The following OR6N1 variants were observed in gnomAD, a reference collection of about 807,000 sequenced individuals.
OR6N1 encodes olfactory receptor 6N1.
For missense variants in OR6N1, 394 were observed against 371.7 expected (o/e 1.06, Z -0.49); for synonymous variants, 170 against 150.7 (o/e 1.13, Z -0.94).
chr1:158,824,276 A>G, the OR6N1 span, among the ~76,000 whole-genome samples: 1 of 152,116 alleles, frequency 6.6e-6, no homozygotes, highest in South Asian at 2.1e-4. Context: ...TTTGCCTGCT[A>G]CCATCCATGT....
At chr1:158,785,024 CT>C in the OR6N1 span, among the ~76,000 whole-genome samples, 2 of 152,160 alleles carry the variant, frequency 1.3e-5, no homozygotes, top group Non-Finnish European at 2.9e-5. Flanking sequence ...AAACTGTAAG[CT>C]TTTTGAGGGC....
At chr1:158,825,236 G>A in the OR6N1 span, among the ~76,000 whole-genome samples, 8 of 152,034 alleles carry the variant, frequency 5.3e-5, no homozygotes, top group South Asian at 2.1e-4. Flanking sequence ...CCAGGAGATC[G>A]AGACCATCCT....
chr1:158,769,587 C>T (rs79552642), intron 1 of OR6N1, among the ~76,000 whole-genome samples: 3,606 of 152,198 alleles, frequency 0.024, 151 homozygotes, highest in African/African-American at 0.081. Flanking sequence ...TGAAAGACAC[C>T]GAGTCTTCTC....
At chr1:158,797,778 T>C in the OR6N1 span, among the ~76,000 whole-genome samples, 8 of 152,330 alleles carry the variant, frequency 5.3e-5, no homozygotes, top group African/African-American at 1.9e-4. Flanking sequence ...TTGGAATCAC[T>C]GTTAGGCTAT....
chr1:158,808,724 G>A, the OR6N1 span: 4 of 152,692 alleles, frequency 2.6e-5, no homozygotes, highest in African/African-American at 9.7e-5. Flanking sequence ...GCAACCAGTG[G>A]CCACACCAAT....
At chr1:158,823,789 T>C in the OR6N1 span, among the ~76,000 whole-genome samples, 1 of 152,152 alleles carries the variant, frequency 6.6e-6, no homozygotes, top group Non-Finnish European at 1.5e-5. Context: ...TCTAGTTCCT[T>C]TAGTTTTGAT....
the OR6N1 span, among the ~76,000 whole-genome samples, chr1:158,797,878 G>T: frequency 6.6e-6 from 1 of 152,050 alleles, no homozygotes; most frequent in Non-Finnish European, 1.5e-5. Flanking sequence ...GTCAATATTA[G>T]ATAGAACTCA....
the OR6N1 span, among the ~76,000 whole-genome samples, chr1:158,784,764 A>C: frequency 6.6e-6 from 1 of 152,116 alleles, no homozygotes; most frequent in Non-Finnish European, 1.5e-5. Context: ...ATTCTTTTTT[A>C]TGGCTGAATG....
chr1:158,823,277 A>G, the OR6N1 span, among the ~76,000 whole-genome samples: 1 of 152,292 alleles, frequency 6.6e-6, no homozygotes, highest in Non-Finnish European at 1.5e-5. Context: ...TAATTTCAAT[A>G]GAAATGGTAC....
the OR6N1 span, among the ~76,000 whole-genome samples, chr1:158,800,206 G>A: frequency 6.6e-6 from 1 of 152,070 alleles, no homozygotes; most frequent in Non-Finnish European, 1.5e-5. Context: ...ACTTCCTGGT[G>A]GAATTCACCT....
the OR6N1 span, among the ~76,000 whole-genome samples, chr1:158,792,445 C>A: frequency 9.1e-3 from 1,381 of 152,160 alleles, 11 homozygotes; most frequent in African/African-American, 0.028. Flanking sequence ...ATGCTGTTAC[C>A]TAGTGACTGT....
upstream of OR6N1, chr1:158,776,550 A>G (rs1490174370): frequency 1.9e-6 from 1 of 530,396 alleles, no homozygotes; most frequent in Non-Finnish European, 3.3e-6. Flanking sequence ...AGAAAATGAG[A>G]AAATCATAAA....
chr1:158,780,949 A>T, the OR6N1 span, among the ~76,000 whole-genome samples: 1 of 152,232 alleles, frequency 6.6e-6, no homozygotes, highest in Non-Finnish European at 1.5e-5. Flanking sequence ...TAAGAACCAA[A>T]TGGAGGGAAT....
the OR6N1 span, among the ~76,000 whole-genome samples, chr1:158,801,782 T>C: frequency 6.6e-6 from 1 of 152,150 alleles, no homozygotes; most frequent in Non-Finnish European, 1.5e-5. Context: ...GGAGTTTTCT[T>C]TCCATATTCT....
At chr1:158,807,135 T>C in the OR6N1 span, among the ~76,000 whole-genome samples, 1 of 151,876 alleles carries the variant, frequency 6.6e-6, no homozygotes, top group South Asian at 2.1e-4. Context: ...GGAGGGTAAC[T>C]CAGTCAGCTG....
the OR6N1 span, chr1:158,777,501 G>A: frequency 6.2e-7 from 1 of 1,614,200 alleles, no homozygotes; most frequent in Non-Finnish European, 8.5e-7. Flanking sequence ...TGACTGAGAA[G>A]ATGAGCATGT....
the OR6N1 span, among the ~76,000 whole-genome samples, chr1:158,810,197 T>C: frequency 6.6e-6 from 1 of 152,144 alleles, no homozygotes; most frequent in Non-Finnish European, 1.5e-5. Context: ...AACACCTATG[T>C]CACTTGAGTT....
chr1:158,837,100 G>C, the OR6N1 span, among the ~76,000 whole-genome samples: 1 of 151,726 alleles, frequency 6.6e-6, no homozygotes, highest in Admixed American at 6.6e-5. Flanking sequence ...ATTAACACTT[G>C]TTTGGCATCC....
At chr1:158,777,740 G>T in the OR6N1 span, 2 of 699,412 alleles carry the variant, frequency 2.9e-6, no homozygotes, top group Non-Finnish European at 2.4e-6. Flanking sequence ...CTTAAAAGTA[G>T]CACTGAAATT....
Sources: allele counts gnomAD v4.1 joint callset (sites outside exome capture counted in the v4.1 genomes callset), GRCh38; gene constraint gnomAD v4.1.1; transcripts MANE v1.5; gene names NCBI Gene and HGNC (gene_info 2026-07-23, HGNC 2026-07-21).